Variants in DCAF5 observed in about 807,000 individuals in gnomAD.
DCAF5 encodes DDB1 and CUL4 associated factor 5, also known as DDB1- and CUL4-associated factor 5.
A neutral mutation model predicts 80.7 loss-of-function variants in DCAF5; 9 were observed. The ratio of observed to expected loss-of-function variants is 0.11; its 90% CI spans 0.07 to 0.19. DCAF5 has a LOEUF of 0.19. Among genes scored for constraint, DCAF5 ranks in the 10% least tolerant of loss-of-function variants. DCAF5 has a pLI of 1.00. For missense variants in DCAF5, 842 were observed against 1,205.7 expected (o/e 0.70, Z 4.47); for synonymous variants, 433 against 461.9 (o/e 0.94, Z 0.80).
chr14:69,058,876 C>CAAAA (rs541099480), intron 8 of DCAF5, among the ~76,000 whole-genome samples: 1 of 54,884 alleles, frequency 1.8e-5, no homozygotes. Context: ...GATCCTGTCT[C>CAAAA]AAAAAAAAAA....
In DCAF5 at chr14:69,050,923, G is replaced by T. The variant is rs1446513354; in HGVS notation, c.*2934C>A. ...CCTGGAAGAGAAGAGGAAGACGTGA[G>T]AAGTGAATAATAGGTTTATTTGCAT... On this transcript the variant is annotated 3_prime_UTR_variant, in exon 9 of 9. Coordinates refer to ENST00000341516, the MANE Select transcript of DCAF5 (RefSeq NM_003861.3). 6.6e-6 allele frequency: 1 copy of T among 152,650 alleles called. No individual in the cohort carries two copies. 9.5% of individuals were successfully genotyped at this position (152,650 alleles called of 1,614,324 possible). A position where few individuals can be genotyped will look rare whatever the true frequency, so the allele number is the denominator to read the frequency against.
intron 1 of DCAF5, among the ~76,000 whole-genome samples, chr14:69,139,195 AAGAC>A (rs1275738425): frequency 6.6e-6 from 1 of 151,956 alleles, no homozygotes; most frequent in Admixed American, 6.6e-5. Flanking sequence ...GAAAAAAAGA[AAGAC>A]AGTCTGGCCA....
intron 5 of DCAF5, among the ~76,000 whole-genome samples, chr14:69,108,847 C>A (rs2040255383): frequency 6.6e-6 from 1 of 152,126 alleles, no homozygotes; most frequent in Non-Finnish European, 1.5e-5. Context: ...CAGTTATCTT[C>A]AGCTTTTCTG....
At chr14:69,102,107 CTTTTTT>C (rs141874345) in intron 5 of DCAF5, among the ~76,000 whole-genome samples, 1 of 133,026 alleles carries the variant, frequency 7.5e-6, no homozygotes, top group Non-Finnish European at 1.6e-5. Flanking sequence ...TTTACTATAA[CTTTTTT>C]TTTTTTTTTT....
chr14:69,064,436 G>T (rs777289321), intron 7 of DCAF5, among the ~76,000 whole-genome samples: 4 of 152,092 alleles, frequency 2.6e-5, no homozygotes, highest in African/African-American at 9.7e-5. Flanking sequence ...GGGGGGATGT[G>T]GGGGGATTTA....
chr14:69,134,234 C>T (rs1233803416), intron 1 of DCAF5, among the ~76,000 whole-genome samples: 1 of 152,094 alleles, frequency 6.6e-6, no homozygotes, highest in Non-Finnish European at 1.5e-5. Context: ...AAGTGTGGAA[C>T]ATAGGCCACT....
rs529020947 is a variant in DCAF5 at position 69,110,619 on chromosome 14, T to C, written c.665+5747A>G. 2.0e-5 allele frequency among the ~76,000 whole-genome samples: 3 copies of C among 152,192 alleles called. No individual in the cohort carries two copies. The East Asian group carries it at 5.8e-4, about 29-fold the overall frequency. On this transcript the variant is annotated intron_variant, in intron 5 of 8. Transcript: ENST00000341516. ...GGCCAGGCATGGTGGCTCACATCTGTAATCCTAGCACTTCGGTAGGATGAG... is the reference window on the plus strand; with the variant it reads ...GGCCAGGCATGGTGGCTCACATCTGCAATCCTAGCACTTCGGTAGGATGAG...
At chr14:69,080,113 T>C (rs2039045969) in intron 6 of DCAF5, among the ~76,000 whole-genome samples, 2 of 152,160 alleles carry the variant, frequency 1.3e-5, no homozygotes, top group African/African-American at 4.8e-5. Flanking sequence ...AAGAGCTCTT[T>C]TGTCTTTTTT....
chr14:69,056,143 T>C (rs907377438), intron 8 of DCAF5, among the ~76,000 whole-genome samples: 8 of 152,170 alleles, frequency 5.3e-5, no homozygotes, highest in Non-Finnish European at 1.2e-4. Context: ...AACTGCAACA[T>C]TCCTATTTTT....
At chr14:69,107,555 G>C (rs2040205033) in intron 5 of DCAF5, among the ~76,000 whole-genome samples, 1 of 152,106 alleles carries the variant, frequency 6.6e-6, no homozygotes, top group Non-Finnish European at 1.5e-5. Context: ...CCAGTGACCT[G>C]GTGTCCTCCA....
At chr14:69,131,838 C>T (rs1045521879) in intron 1 of DCAF5, among the ~76,000 whole-genome samples, 2 of 149,548 alleles carry the variant, frequency 1.3e-5, no homozygotes, top group East Asian at 3.9e-4. Flanking sequence ...ATTTTCATAT[C>T]GTTGTGCAAC....
intron 7 of DCAF5, among the ~76,000 whole-genome samples, chr14:69,066,337 A>G (rs537229377): frequency 6.6e-6 from 1 of 151,982 alleles, no homozygotes; most frequent in Non-Finnish European, 1.5e-5. Context: ...GGGTTTCACC[A>G]TGTTGGTTAG....
At chr14:69,126,145 G>C (rs1425818234) in intron 1 of DCAF5, among the ~76,000 whole-genome samples, 4 of 147,570 alleles carry the variant, frequency 2.7e-5, no homozygotes, top group African/African-American at 9.9e-5. Flanking sequence ...TAAATAAATA[G>C]ACAGAGATTC....
chr14:69,100,472 T>A (rs1626122), intron 5 of DCAF5, among the ~76,000 whole-genome samples: 110,041 of 152,082 alleles, frequency 0.72, 40,016 homozygotes, highest in East Asian at 0.97. Context: ...TTTTCAAAGG[T>A]CTCTGAAATT....
intron 5 of DCAF5, among the ~76,000 whole-genome samples, chr14:69,112,594 TACAC>T (rs3044674): frequency 0.27 from 39,371 of 145,012 alleles, 6,380 homozygotes; most frequent in Middle Eastern, 0.41. Flanking sequence ...TATATATGTA[TACAC>T]ACACACACAC....
chr14:69,095,036 C>G (rs1268955435), intron 5 of DCAF5, among the ~76,000 whole-genome samples: 1 of 152,194 alleles, frequency 6.6e-6, no homozygotes, highest in Non-Finnish European at 1.5e-5. Context: ...CAACATGGCA[C>G]TTTTTATGGT....
At chr14:69,086,892 A>G (rs1030674218) in intron 6 of DCAF5, among the ~76,000 whole-genome samples, 1 of 152,240 alleles carries the variant, frequency 6.6e-6, no homozygotes, top group East Asian at 1.9e-4. Context: ...TCAAAAGACC[A>G]GTATAAGAGA....
Position 69,055,798 on chromosome 14 carries a change from G to A in DCAF5, c.1075-187C>T, listed in dbSNP as rs1024904888. Among the ~76,000 whole-genome samples the A allele has an allele frequency of 1.3e-5, 2 of 152,112 alleles. No individual in the cohort carries two copies. Among genetic ancestry groups the A allele is most frequent in the African/African-American group, 4.8e-5 (2 of 41,412 alleles). On this transcript the variant is annotated intron_variant, in intron 8 of 8. Transcript: ENST00000341516. This position sits in a 1 kb window ranked among gnomAD's most constrained non-coding sequence, Gnocchi z 5.6. ...CATGTGGGTTATGTATGAAAACTGAGGTTTTTAGAATCAGATGTGGGGAAA... is the reference window on the plus strand; with the variant it reads ...CATGTGGGTTATGTATGAAAACTGAAGTTTTTAGAATCAGATGTGGGGAAA...
At position 69,051,116 on chromosome 14, in the gene DCAF5, G is replaced by C. The variant is rs1010911243; in HGVS notation, c.*2741C>G. On this transcript the variant is annotated 3_prime_UTR_variant, in exon 9 of 9. Transcript: ENST00000341516. ...CTTAACTCATTTACCTGCTGTCCTAGAGAATCATTAACAAAACCAGCTGGA... is the reference window on the plus strand; with the variant it reads ...CTTAACTCATTTACCTGCTGTCCTACAGAATCATTAACAAAACCAGCTGGA... 1.3e-5 allele frequency: 2 copies of C among 152,500 alleles called. No homozygotes were observed. The highest frequency in any genetic ancestry group is 2.4e-5 in the African/African-American group (1 of 41,402). 9.4% of individuals were successfully genotyped at this position (152,500 alleles called of 1,614,324 possible). A position where few individuals can be genotyped will look rare whatever the true frequency, so the allele number is the denominator to read the frequency against.
Sources: gnomAD v4.1 joint callset for allele counts (sites outside exome capture counted in the v4.1 genomes callset) on GRCh38, gnomAD v4.1.1 for gene constraint, Gnocchi (gnomAD v3.1) non-coding constraint, MANE v1.5 for transcripts, NCBI Gene and HGNC (gene_info 2026-07-23, HGNC 2026-07-21) for gene names.